The following BLTP3A variants were observed in gnomAD, a reference collection of about 807,000 sequenced individuals.
BLTP3A encodes the protein ICBP90 binding protein 1.
chr6:34,874,033 G>C, the BLTP3A span: 1 of 152,180 alleles, frequency 6.6e-6, no homozygotes, highest in African/African-American at 2.4e-5. Context: ...GGGATGGTGG[G>C]AATTTTTCAT....
At chr6:34,863,922 A>G in the BLTP3A span, 1 of 1,352,272 alleles carries the variant, frequency 7.4e-7, no homozygotes, top group Non-Finnish European at 9.8e-7. Context: ...CTGAGCTGAA[A>G]GGGATGGGTA....
chr6:34,867,204 T>C, the BLTP3A span: 1 of 1,591,090 alleles, frequency 6.3e-7, no homozygotes, highest in Non-Finnish European at 8.6e-7. Flanking sequence ...TTTAAATTCA[T>C]TTGTCCTCTT....
the BLTP3A span, among the ~76,000 whole-genome samples, chr6:34,851,942 A>G: frequency 3.3e-5 from 5 of 152,082 alleles, no homozygotes; most frequent in Non-Finnish European, 7.4e-5. Flanking sequence ...GCTACTGCCA[A>G]TGTTTACTCA....
At chr6:34,857,752 A>G in the BLTP3A span, 1 of 1,614,054 alleles carries the variant, frequency 6.2e-7, no homozygotes, top group Non-Finnish European at 8.5e-7. Flanking sequence ...ACATTCAGTT[A>G]AATGGTCTGA....
chr6:34,859,024 G>A, the BLTP3A span: 1 of 1,614,200 alleles, frequency 6.2e-7, no homozygotes, highest in Non-Finnish European at 8.5e-7. Flanking sequence ...TGCACCCGGT[G>A]CTGTCGATGC....
the BLTP3A span, among the ~76,000 whole-genome samples, chr6:34,801,989 G>A: frequency 6.6e-6 from 1 of 151,908 alleles, no homozygotes; most frequent in Non-Finnish European, 1.5e-5. Context: ...CACCCACCTC[G>A]GCCTCCCCAA....
At chr6:34,829,977 T>G in the BLTP3A span, among the ~76,000 whole-genome samples, 23,030 of 151,770 alleles carry the variant, frequency 0.15, 2,119 homozygotes, top group Non-Finnish European at 0.2. Flanking sequence ...ACTGATTTTT[T>G]TGTGTGTGTG....
the BLTP3A span, among the ~76,000 whole-genome samples, chr6:34,854,282 T>C: frequency 2.0e-5 from 3 of 152,160 alleles, no homozygotes; most frequent in Non-Finnish European, 4.4e-5. Flanking sequence ...AAAATTGGAA[T>C]ATTTAAAATT....
chr6:34,807,345 TAG>T, the BLTP3A span, among the ~76,000 whole-genome samples: 1 of 152,162 alleles, frequency 6.6e-6, no homozygotes, highest in Admixed American at 6.6e-5. Flanking sequence ...ATCCCTGAGA[TAG>T]AGTCACTGAG....
At chr6:34,856,208 G>A in the BLTP3A span, 1 of 1,601,310 alleles carries the variant, frequency 6.2e-7, no homozygotes, top group Admixed American at 1.7e-5. Flanking sequence ...ATGATCTTGG[G>A]CTAAAATCTT....
At chr6:34,856,878 C>T in the BLTP3A span, 1 of 1,614,092 alleles carries the variant, frequency 6.2e-7, no homozygotes, top group African/African-American at 1.3e-5. Context: ...CATGGAACCG[C>T]TTACGCTCTA....
chr6:34,841,467 CAATTAA>C, the BLTP3A span, among the ~76,000 whole-genome samples: 1 of 152,132 alleles, frequency 6.6e-6, no homozygotes, highest in Non-Finnish European at 1.5e-5. Flanking sequence ...ATGAAAATTA[CAATTAA>C]AAGTTCATTT....
At chr6:34,843,782 A>G in the BLTP3A span, among the ~76,000 whole-genome samples, 11 of 152,316 alleles carry the variant, frequency 7.2e-5, no homozygotes, top group African/African-American at 2.6e-4. Context: ...GCCTGATCAT[A>G]TGGTAGTTCT....
At chr6:34,867,413 A>G in the BLTP3A span, 7 of 1,613,636 alleles carry the variant, frequency 4.3e-6, no homozygotes, top group Non-Finnish European at 5.9e-6. Flanking sequence ...TGCAGAGGGT[A>G]GGCTCTGGGC....
chr6:34,872,649 CTG>C, the BLTP3A span: 41,178 of 506,808 alleles, frequency 0.081, 4,127 homozygotes, highest in African/African-American at 0.36. Context: ...TCCCAGGAAA[CTG>C]GGGCTTGCCC....
the BLTP3A span, among the ~76,000 whole-genome samples, chr6:34,800,313 G>C: frequency 6.6e-6 from 1 of 152,348 alleles, no homozygotes; most frequent in East Asian, 1.9e-4. Flanking sequence ...AGAAAGCTCA[G>C]TTCTCTATAC....
At chr6:34,858,273 T>C in the BLTP3A span, 3 of 1,614,214 alleles carry the variant, frequency 1.9e-6, no homozygotes, top group Non-Finnish European at 2.5e-6. Flanking sequence ...GGGGTTTTGC[T>C]GCTGCTGAGT....
chr6:34,818,093 C>T, the BLTP3A span, among the ~76,000 whole-genome samples: 2 of 152,040 alleles, frequency 1.3e-5, no homozygotes, highest in Admixed American at 6.6e-5. Flanking sequence ...CTCCTGACCT[C>T]GTGATCCGCC....
chr6:34,828,399 C>T, the BLTP3A span, among the ~76,000 whole-genome samples: 3 of 144,126 alleles, frequency 2.1e-5, no homozygotes, highest in African/African-American at 7.8e-5. Flanking sequence ...TGCAGTGAGC[C>T]GAGATCACAC....
Sources: allele counts gnomAD v4.1 joint callset (sites outside exome capture counted in the v4.1 genomes callset), GRCh38; gene constraint gnomAD v4.1.1; transcripts MANE v1.5; gene names NCBI Gene and HGNC (gene_info 2026-07-23, HGNC 2026-07-21).